The following ANK3 variants were observed in gnomAD, a reference collection of about 807,000 sequenced individuals.
ANK3 encodes ankyrin 3.
Under a neutral mutation model 370.9 loss-of-function variants are expected in ANK3, and 57 were observed. The observed-to-expected ratio is 0.15, with a 90% CI of 0.12 to 0.19. ANK3 has a LOEUF of 0.19. Ranked by LOEUF, ANK3 falls within the 10% of genes least tolerant of loss-of-function variation. The pLI, the probability that ANK3 is intolerant of heterozygous loss-of-function variation, is 1.00. For synonymous variants in ANK3, 1,929 were observed against 1,946.3 expected (o/e 0.99, Z 0.23); for missense variants, 4,439 against 5,302.1 (o/e 0.84, Z 5.06).
chr10:60,469,501 ATGGTGG>A (rs2065136924), intron 2 of ANK3, among the ~76,000 whole-genome samples: 2 of 17,910 alleles, frequency 1.1e-4, no homozygotes, highest in Non-Finnish European at 1.2e-4. Flanking sequence ...ATATATATAT[ATGGTGG>A]TATATATATA....
At chr10:60,415,801 G>A (rs1487918558) in intron 2 of ANK3, among the ~76,000 whole-genome samples, 1 of 151,822 alleles carries the variant, frequency 6.6e-6, no homozygotes, top group African/African-American at 2.4e-5. Flanking sequence ...ATTTTAATGG[G>A]CAATAGGTGC....
chr10:60,136,863 A>G (rs2094366366), intron 24 of ANK3, among the ~76,000 whole-genome samples: 1 of 152,220 alleles, frequency 6.6e-6, no homozygotes, highest in East Asian at 1.9e-4. Context: ...ATGAGGATCT[A>G]GAAAACATTA....
chr10:60,043,206 T>TTTGC, intron 42 of ANK3: 3 of 987,206 alleles, frequency 3.0e-6, no homozygotes, highest in Non-Finnish European at 3.6e-6. Flanking sequence ...TTCCTCTTAC[T>TTTGC]GTCAGACCAA....
At chr10:60,441,390 G>T (rs1260405324) in intron 2 of ANK3, among the ~76,000 whole-genome samples, 1 of 152,050 alleles carries the variant, frequency 6.6e-6, no homozygotes, top group East Asian at 1.9e-4. Flanking sequence ...AACAAAGAAT[G>T]AACTAATATA....
At chr10:60,537,994 C>T (rs543124665) in intron 2 of ANK3, among the ~76,000 whole-genome samples, 24 of 151,886 alleles carry the variant, frequency 1.6e-4, no homozygotes, top group African/African-American at 3.1e-4. Flanking sequence ...AATAAATTCT[C>T]GGTTCTTTTT....
At chr10:60,187,088 T>A (rs1394149853) in intron 16 of ANK3, among the ~76,000 whole-genome samples, 176 bp from the exon 17 acceptor site, 2 of 152,212 alleles carry the variant, frequency 1.3e-5, no homozygotes, top group African/African-American at 4.8e-5. Flanking sequence ...CCCTCATGTA[T>A]CCTGCATTCC....
chr10:60,686,300 T>C (rs2079267318), intron 1 of ANK3, among the ~76,000 whole-genome samples: 1 of 152,116 alleles, frequency 6.6e-6, no homozygotes, highest in South Asian at 2.1e-4. Flanking sequence ...TCAATCTCAT[T>C]TTAAATTAGG....
intron 2 of ANK3, among the ~76,000 whole-genome samples, chr10:60,464,850 A>G (rs2064972940): frequency 6.6e-6 from 1 of 152,128 alleles, no homozygotes; most frequent in African/African-American, 2.4e-5. Flanking sequence ...TCATAAAAAC[A>G]TTTCCTTAGC....
At chr10:60,255,883 C>T (rs760802660) in intron 7 of ANK3, among the ~76,000 whole-genome samples, 124 of 152,144 alleles carry the variant, frequency 8.2e-4, no homozygotes, top group Non-Finnish European at 1.2e-3. Flanking sequence ...AACAGACTTT[C>T]CTTCCTCACT....
At chr10:60,245,339 G>A (rs1295802113) in intron 7 of ANK3, among the ~76,000 whole-genome samples, 1 of 123,678 alleles carries the variant, frequency 8.1e-6, no homozygotes. Context: ...TTTTTATAAT[G>A]GCATTATTAA....
At chr10:60,111,667 T>G in intron 26 of ANK3, 2 of 447,940 alleles carry the variant, frequency 4.5e-6, no homozygotes, top group Non-Finnish European at 8.9e-6. Flanking sequence ...ACGATCTAAC[T>G]ATGGCAAAAA....
chr10:60,428,125 T>C (rs1187362856), intron 2 of ANK3, among the ~76,000 whole-genome samples: 2 of 152,196 alleles, frequency 1.3e-5, no homozygotes, highest in African/African-American at 4.8e-5. Context: ...AGCATTTCCA[T>C]GCAGTGAGTC....
intron 25 of ANK3, among the ~76,000 whole-genome samples, chr10:60,125,133 C>A (rs955597362): frequency 6.6e-6 from 1 of 151,964 alleles, no homozygotes; most frequent in African/African-American, 2.4e-5. Flanking sequence ...AATTAAAGGC[C>A]TACTATAATA....
intron 24 of ANK3, among the ~76,000 whole-genome samples, chr10:60,136,939 G>A (rs2094371053): frequency 6.6e-6 from 1 of 152,124 alleles, no homozygotes; most frequent in Non-Finnish European, 1.5e-5. Context: ...AATATAGGAA[G>A]TGTTAGAAAA....
chr10:60,355,999 T>C (rs2057678791), intron 1 of ANK3, among the ~76,000 whole-genome samples: 3 of 152,158 alleles, frequency 2.0e-5, no homozygotes, highest in Admixed American at 2.0e-4. Flanking sequence ...GATTCAAAGA[T>C]CTTAACAGTC....
intron 2 of ANK3, among the ~76,000 whole-genome samples, chr10:60,490,020 A>G (rs1047853194): frequency 2.0e-5 from 3 of 148,264 alleles, no homozygotes; most frequent in Admixed American, 6.6e-5. Context: ...TTCCCTGCCT[A>G]GTGCACACTC....
chr10:60,088,263 G>C lies in ANK3; in HGVS notation c.3424C>G (p.Gln1142Glu), dbSNP rs1382219511. 1 of 1,614,166 alleles carries C rather than the reference G, an allele frequency of 6.2e-7. No individual in the cohort carries two copies. The highest frequency in any genetic ancestry group is 8.5e-7 in the Non-Finnish European group (1 of 1,180,018). ...QYFAVVSRIK[Q>E]ESNQIGPEGG... ...TCAGGACCAATCTGGTTGCTTTCCT[G>C]CTTAATCCGGGAAACCACTGCAAAA... The change falls in exon 29 of 44, where the codon CAG becomes GAG. Residue 1142 changes from glutamine (Q) to glutamate (E), a missense_variant. Around this residue, in one of 13 missense-constraint regions of ANK3, gnomAD observed 702 missense variants for 941.5 expected, o/e 0.75. Coordinates refer to ENST00000280772, the MANE Select transcript of ANK3 (RefSeq NM_020987.5).
intron 43 of ANK3, among the ~76,000 whole-genome samples, chr10:60,032,529 T>C (rs1358626427): frequency 6.6e-6 from 1 of 152,060 alleles, no homozygotes; most frequent in Non-Finnish European, 1.5e-5. Context: ...TTTTTAATAT[T>C]TATGTAGATG....
At chr10:60,475,820 G>A (rs1033952367) in intron 2 of ANK3, among the ~76,000 whole-genome samples, 2 of 150,748 alleles carry the variant, frequency 1.3e-5, no homozygotes, top group African/African-American at 5.0e-5. Context: ...CTCATGGGAC[G>A]GAGTCGCTTT....
Sources: gnomAD v4.1 joint callset for allele counts (sites outside exome capture counted in the v4.1 genomes callset) on GRCh38, gnomAD v4.1.1 for gene constraint, gnomAD v4.1.1 regional missense constraint, MANE v1.5 for transcripts, NCBI Gene and HGNC (gene_info 2026-07-23, HGNC 2026-07-21) for gene names.